The following EPHA6 variants were observed in gnomAD, a reference collection of about 807,000 sequenced individuals.
EPHA6 encodes the protein ephrin type-A receptor 6.
A neutral mutation model predicts 112.0 loss-of-function variants in EPHA6; 50 were observed. That is an observed-to-expected ratio of 0.45 (90% CI 0.36 to 0.56). EPHA6 has a LOEUF of 0.56. Among genes scored for constraint, EPHA6 ranks in the 20% least tolerant of loss-of-function variants. The pLI is 0.00. For synonymous variants in EPHA6, 529 were observed against 490.7 expected (o/e 1.08, Z -1.03); for missense variants, 1,280 against 1,417.4 (o/e 0.90, Z 1.56).
intron 3 of EPHA6, among the ~76,000 whole-genome samples, chr3:97,120,639 T>C (rs1393958897): frequency 1.3e-5 from 2 of 152,008 alleles, no homozygotes; most frequent in African/African-American, 2.4e-5. Flanking sequence ...AAAATTCCTA[T>C]TTCTTTTATG....
chr3:97,413,534 G>A (rs1004067405), intron 6 of EPHA6, among the ~76,000 whole-genome samples: 6 of 151,920 alleles, frequency 3.9e-5, no homozygotes, highest in Admixed American at 1.3e-4. Flanking sequence ...ACATTGCCTT[G>A]GTTAGTAAAT....
At chr3:97,466,427 A>G (rs757163229) in intron 7 of EPHA6, 1 of 1,590,664 alleles carries the variant, frequency 6.3e-7, no homozygotes, top group East Asian at 2.2e-5. Flanking sequence ...AGGACTCTCC[A>G]TTTCAAGTGA....
chr3:97,347,387 A>G (rs1234469768), intron 5 of EPHA6, among the ~76,000 whole-genome samples: 2 of 152,096 alleles, frequency 1.3e-5, no homozygotes, highest in African/African-American at 2.4e-5. Context: ...GGGTAAGAAC[A>G]GTGTTTGTTT....
intron 3 of EPHA6, among the ~76,000 whole-genome samples, chr3:97,062,293 A>T (rs1208570188): frequency 6.6e-6 from 1 of 152,194 alleles, no homozygotes; most frequent in Non-Finnish European, 1.5e-5. Flanking sequence ...TTATAACAGG[A>T]CTTGAGTAAG....
chr3:97,724,340 A>G (rs1018730447), intron 15 of EPHA6, among the ~76,000 whole-genome samples: 2 of 152,302 alleles, frequency 1.3e-5, no homozygotes, highest in Admixed American at 6.5e-5. Context: ...AGAAAAAAAG[A>G]GTACACAGAA....
rs574609390 is a variant in EPHA6, at chr3:96,854,837, T to A, written c.386-11988T>A. Among the ~76,000 whole-genome samples the A allele has an allele frequency of 3.9e-5, 6 of 152,262 alleles. No homozygotes were observed. In the South Asian group the frequency reaches 1.2e-3, roughly 32 times the overall value. On this transcript the variant is annotated intron_variant, in intron 1 of 17. Coordinates refer to ENST00000389672, the MANE Select transcript of EPHA6 (RefSeq NM_001080448.3). ...TGGTAGGGGTTAGAAAGTCATATAT[T>A]TGAAGGTGATTTAAAAACCTTACTG...
intron 6 of EPHA6, among the ~76,000 whole-genome samples, chr3:97,405,715 T>C (rs1244756837): frequency 6.6e-6 from 1 of 152,108 alleles, no homozygotes; most frequent in Non-Finnish European, 1.5e-5. Context: ...ATTTGGAAAG[T>C]ATTATTTAAG....
chr3:97,569,549 C>G (rs1347687621), intron 11 of EPHA6, among the ~76,000 whole-genome samples: 9 of 152,008 alleles, frequency 5.9e-5, no homozygotes, highest in African/African-American at 2.2e-4. Context: ...ATAATAGTTC[C>G]TTCTTCATTT....
rs1222325474 is a variant in EPHA6, at chr3:97,447,696, G to A, written c.1732-872G>A. On this transcript the variant is annotated intron_variant, in intron 6 of 17. Coordinates refer to ENST00000389672, the MANE Select transcript of EPHA6 (RefSeq NM_001080448.3). ...TGAGATAGTGGGCAAGAGAGACCAT[G>A]TAACAAACCCTGACTGTCTAGATCA... 9 of 920,306 alleles carry A rather than the reference G, an allele frequency of 9.8e-6. No individual in the cohort carries two copies. In the African/African-American group the frequency reaches 1.1e-4, roughly 11 times the overall value. 57.0% of individuals were successfully genotyped at this position (920,306 alleles called of 1,614,324 possible). A position where few individuals can be genotyped will look rare whatever the true frequency, so the allele number is the denominator to read the frequency against.
intron 5 of EPHA6, among the ~76,000 whole-genome samples, chr3:97,261,857 A>G (rs190244656): frequency 6.6e-6 from 1 of 152,316 alleles, no homozygotes; most frequent in East Asian, 1.9e-4. Flanking sequence ...GAGACACAGC[A>G]AGACTAAATA....
chr3:96,948,636 G>C (rs2041391185), intron 2 of EPHA6, among the ~76,000 whole-genome samples: 1 of 152,054 alleles, frequency 6.6e-6, no homozygotes, highest in Admixed American at 6.6e-5. Context: ...TTTGATTAGT[G>C]GTGTTTCCTC....
At chr3:97,628,131 G>A (rs979742559) in intron 13 of EPHA6, among the ~76,000 whole-genome samples, 7 of 152,006 alleles carry the variant, frequency 4.6e-5, no homozygotes, top group African/African-American at 1.7e-4. Context: ...ACAAATAGAT[G>A]CAGGGAAATT....
intron 5 of EPHA6, among the ~76,000 whole-genome samples, chr3:97,312,822 G>T (rs1200391899): frequency 6.7e-6 from 1 of 150,180 alleles, no homozygotes; most frequent in Non-Finnish European, 1.5e-5. Context: ...TCTGATTTTT[G>T]AATGTTAAAC....
chr3:97,532,607 G>T (rs146110501), intron 11 of EPHA6, 64 bp downstream of exon 11: 2 of 1,365,254 alleles, frequency 1.5e-6, no homozygotes, highest in South Asian at 1.4e-5. Context: ...TTTAAGAAAA[G>T]GAAAAATCTT....
chr3:97,592,504 T>C (rs1453213077), intron 11 of EPHA6, 108 bp from the exon 12 acceptor site: 2 of 1,310,184 alleles, frequency 1.5e-6, no homozygotes, highest in African/African-American at 1.5e-5. Flanking sequence ...TTATAACTTC[T>C]TCGTAAAATT....
In EPHA6 at chr3:97,087,957, G is replaced by A. The variant is rs989381568; in HGVS notation, c.1114+99964G>A. On this transcript the variant is annotated intron_variant, in intron 3 of 17. Coordinates refer to ENST00000389672, the MANE Select transcript of EPHA6 (RefSeq NM_001080448.3). The stretch of plus-strand genomic sequence containing the variant: ...CTAACACTTTGGGAGGCTGAGGAGG[G>A]CAGGTCACAATGTCAAGAGATCGAG... Among the ~76,000 whole-genome samples the A allele has an allele frequency of 2.8e-4, 42 of 152,066 alleles. 1 individual carries two copies. Among genetic ancestry groups the A allele is most frequent in the Middle Eastern group, 6.3e-3 (2 of 316 alleles).
At chr3:97,694,024 T>C (rs1204032378) in intron 14 of EPHA6, among the ~76,000 whole-genome samples, 5 of 152,090 alleles carry the variant, frequency 3.3e-5, no homozygotes, top group African/African-American at 9.7e-5. Context: ...ATCCAGCATA[T>C]TGTCCCCATA....
intron 2 of EPHA6, among the ~76,000 whole-genome samples, chr3:96,914,944 TA>T (rs200924601): frequency 0.018 from 2,769 of 151,876 alleles, 76 homozygotes; most frequent in African/African-American, 0.05. Flanking sequence ...ATGTTAGTGA[TA>T]AAAAAACTTT....
intron 14 of EPHA6, among the ~76,000 whole-genome samples, chr3:97,692,101 T>C (rs904825139): frequency 1.3e-5 from 2 of 152,188 alleles, no homozygotes; most frequent in African/African-American, 4.8e-5. Context: ...CTTATATTTA[T>C]AGATTTAAAG....
Sources: allele counts gnomAD v4.1 joint callset (sites outside exome capture counted in the v4.1 genomes callset), GRCh38; gene constraint gnomAD v4.1.1; transcripts MANE v1.5; gene names NCBI Gene and HGNC (gene_info 2026-07-23, HGNC 2026-07-21).